The following TXLNB variants were observed in gnomAD, a reference collection of about 807,000 sequenced individuals.
TXLNB encodes beta-taxilin.
A neutral mutation model predicts 57.4 loss-of-function variants in TXLNB; 37 were observed. The ratio of observed to expected loss-of-function variants is 0.64; its 90% CI spans 0.50 to 0.85. The LOEUF is 0.85. Among genes scored for constraint, TXLNB ranks in the 40% least tolerant of loss-of-function variants. The probability of loss-of-function intolerance (pLI) is 0.00; values close to 1 mark genes in which losing one functional copy is unlikely to be tolerated. For missense variants in TXLNB, 848 were observed against 825.6 expected (o/e 1.03, Z -0.33); for synonymous variants, 302 against 309.6 (o/e 0.98, Z 0.26).
At chr6:139,212,025 G>A in the TXLNB span, among the ~76,000 whole-genome samples, 1 of 152,242 alleles carries the variant, frequency 6.6e-6, no homozygotes, top group Non-Finnish European at 1.5e-5. Flanking sequence ...AAGTGACAGG[G>A]AGAATGGAAC....
chr6:139,195,238 T>G, the TXLNB span, among the ~76,000 whole-genome samples: 1 of 152,212 alleles, frequency 6.6e-6, no homozygotes, highest in African/African-American at 2.4e-5. Flanking sequence ...CCATGTCCAC[T>G]TTTTAAACAA....
At chr6:139,259,488 G>T (rs142309540) in intron 6 of TXLNB, among the ~76,000 whole-genome samples, 1 of 152,164 alleles carries the variant, frequency 6.6e-6, no homozygotes, top group South Asian at 2.1e-4. Context: ...TGCTGGAGAC[G>T]ATGCTCCAAG....
the TXLNB span, among the ~76,000 whole-genome samples, chr6:139,164,477 T>C: frequency 4.6e-3 from 702 of 152,114 alleles, 2 homozygotes; most frequent in Non-Finnish European, 7.2e-3. Context: ...GTCCAGTGCA[T>C]TACAGGAAGA....
At chr6:139,276,997 C>T (rs1363722821) in intron 2 of TXLNB, 76 bp from the exon 3 acceptor site, 6 of 1,086,006 alleles carry the variant, frequency 5.5e-6, no homozygotes, top group African/African-American at 1.6e-5. Flanking sequence ...CTCAGATTGA[C>T]CACTTGCTAA....
At chr6:139,177,914 T>A in the TXLNB span, 5 of 152,202 alleles carry the variant, frequency 3.3e-5, no homozygotes, top group African/African-American at 1.2e-4. This position sits in a 1 kb window ranked among gnomAD's most constrained non-coding sequence, Gnocchi z 4.9. Context: ...GGTTGCACTG[T>A]TGAAGTGTCA....
the TXLNB span, among the ~76,000 whole-genome samples, chr6:139,233,939 T>C: frequency 1.3e-5 from 2 of 152,172 alleles, no homozygotes. Flanking sequence ...TGAATGGCTT[T>C]GACCAAAATG....
At chr6:139,217,748 G>A in the TXLNB span, among the ~76,000 whole-genome samples, 15 of 151,152 alleles carry the variant, frequency 9.9e-5, no homozygotes, top group Admixed American at 9.2e-4. Context: ...AGTTGCCTGT[G>A]ATCCCAGCTA....
chr6:139,270,747 C>T lies in TXLNB; in HGVS notation c.517-121G>A, dbSNP rs574468710. 1.2e-4 allele frequency: 98 copies of T among 824,372 alleles called. 1 individual carries two copies. The African/African-American group carries it at 1.5e-3, about 12-fold the overall frequency. The allele number at this position is 824,372 out of a possible 1,614,324, so 51.1% of individuals were successfully genotyped here. ...TTGGAAACATTTTTTGCTATTATCT[C>T]TTCCTCTGGAAGTAAATGAAATTCA... On this transcript the variant is annotated intron_variant, in intron 3 of 9. Coordinates refer to ENST00000358430, the MANE Select transcript of TXLNB (RefSeq NM_153235.4).
chr6:139,227,454 G>A, the TXLNB span, among the ~76,000 whole-genome samples: 1 of 152,106 alleles, frequency 6.6e-6, no homozygotes, highest in Non-Finnish European at 1.5e-5. Flanking sequence ...TAGATCAATG[G>A]GAACACTCAT....
the TXLNB span, chr6:139,166,063 G>C: frequency 6.2e-6 from 3 of 480,916 alleles, no homozygotes; most frequent in Non-Finnish European, 1.1e-5. Flanking sequence ...GATGAAGGGC[G>C]TTGAAGGTCC....
the TXLNB span, among the ~76,000 whole-genome samples, chr6:139,189,666 T>C: frequency 3.3e-5 from 5 of 152,316 alleles, no homozygotes; most frequent in Admixed American, 3.3e-4. Flanking sequence ...GCCAAGGAAG[T>C]AAGCTTTCAC....
intron 2 of TXLNB, among the ~76,000 whole-genome samples, chr6:139,279,035 G>A (rs1433978875): frequency 6.6e-6 from 1 of 152,178 alleles, no homozygotes; most frequent in African/African-American, 2.4e-5. Flanking sequence ...CTCGTATCAT[G>A]TGAATCAAAT....
chr6:139,243,032 G>A lies in TXLNB; in HGVS notation c.1549C>T (p.Pro517Ser). Residue 517 changes from proline to serine, a missense_variant, in exon 10 of 10, where the codon CCG (proline) becomes TCG (serine). By Grantham distance (74) the Pro-to-Ser change is moderately conservative. Transcript: ENST00000358430. Reference sequence around the variant, plus strand: ...GGTTGGGTTTCTTTGGACTGGTGCGGGGTTGACTCTGGATGATGAATTATC... The same window carrying A: ...GGTTGGGTTTCTTTGGACTGGTGCGAGGTTGACTCTGGATGATGAATTATC... ...FMIIHHPEST[P>S]HQSKETQPEI... 1.2e-6 allele frequency: 2 copies of A among 1,614,168 alleles called. No homozygotes were observed. The highest frequency in any genetic ancestry group is 8.5e-7 in the Non-Finnish European group (1 of 1,180,034).
chr6:139,167,922 T>A, the TXLNB span, among the ~76,000 whole-genome samples: 1 of 152,188 alleles, frequency 6.6e-6, no homozygotes, highest in Non-Finnish European at 1.5e-5. Flanking sequence ...AGCCATAAAT[T>A]GAATGACACG....
At chr6:139,297,081 T>A in the TXLNB span, among the ~76,000 whole-genome samples, 5 of 152,094 alleles carry the variant, frequency 3.3e-5, no homozygotes, top group Non-Finnish European at 7.4e-5. Context: ...TACATCCAAC[T>A]CATCCCTGTG....
At chr6:139,287,681 T>C (rs1471586930) in intron 2 of TXLNB, among the ~76,000 whole-genome samples, 1 of 152,148 alleles carries the variant, frequency 6.6e-6, no homozygotes, top group African/African-American at 2.4e-5. Context: ...TCGTAGTGAG[T>C]GTTTCCACCA....
At chr6:139,161,442 A>C in the TXLNB span, among the ~76,000 whole-genome samples, 2 of 152,136 alleles carry the variant, frequency 1.3e-5, no homozygotes, top group Non-Finnish European at 2.9e-5. Flanking sequence ...ATGGCTGTGA[A>C]CATGACAAAC....
chr6:139,228,797 G>C, the TXLNB span, among the ~76,000 whole-genome samples: 1 of 152,116 alleles, frequency 6.6e-6, no homozygotes, highest in Non-Finnish European at 1.5e-5. Context: ...CCCAGATAAC[G>C]TATGAATAAA....
the TXLNB span, chr6:139,180,475 A>T: frequency 3.9e-5 from 6 of 152,600 alleles, no homozygotes; most frequent in Admixed American, 1.3e-4. Flanking sequence ...GGAAGTGAGG[A>T]GAAAGTGTTC....
Sources: gnomAD v4.1 joint callset for allele counts (sites outside exome capture counted in the v4.1 genomes callset) on GRCh38, gnomAD v4.1.1 for gene constraint, Gnocchi (gnomAD v3.1) non-coding constraint, MANE v1.5 for transcripts, NCBI Gene and HGNC (gene_info 2026-07-23, HGNC 2026-07-21) for gene names.